The following SPHKAP variants were observed in gnomAD, a reference collection of about 807,000 sequenced individuals.
The protein encoded by SPHKAP is A-kinase anchor protein SPHKAP.
SPHKAP carries 67 observed loss-of-function variants against 137.5 expected under a neutral mutation model. The observed-to-expected ratio is 0.49, with a 90% CI of 0.40 to 0.60. The LOEUF (loss-of-function observed/expected upper bound fraction) is 0.60. Among genes scored for constraint, SPHKAP ranks in the 20% least tolerant of loss-of-function variants. The pLI is 0.00. For missense variants in SPHKAP, 2,097 were observed against 2,069.3 expected (o/e 1.01, Z -0.26); for synonymous variants, 813 against 785.3 (o/e 1.04, Z -0.59).
At chr2:228,046,374 C>A (rs1696059157) in intron 3 of SPHKAP, among the ~76,000 whole-genome samples, 1 of 143,966 alleles carries the variant, frequency 6.9e-6, no homozygotes, top group African/African-American at 2.6e-5. Context: ...AATTTACTCC[C>A]TTGAACTTCA....
intron 1 of SPHKAP, among the ~76,000 whole-genome samples, chr2:228,167,171 T>C (rs1415532696): frequency 2.0e-5 from 3 of 152,216 alleles, no homozygotes; most frequent in Non-Finnish European, 4.4e-5. Flanking sequence ...TCAATTGTGA[T>C]AACAACTTCT....
At chr2:228,159,411 G>A (rs1041596902) in intron 1 of SPHKAP, among the ~76,000 whole-genome samples, 3 of 152,096 alleles carry the variant, frequency 2.0e-5, no homozygotes, top group Non-Finnish European at 4.4e-5. Context: ...ATCTTCATGA[G>A]AGGAGGGGCT....
chr2:228,172,938 A>AAGG (rs139083559), intron 1 of SPHKAP: 75,218 of 662,890 alleles, frequency 0.11, 4,428 homozygotes, highest in East Asian at 0.2. Context: ...GTCTTATATC[A>AAGG]AGAAGAGCAA....
intron 3 of SPHKAP, among the ~76,000 whole-genome samples, chr2:228,050,555 G>A (rs1463318091): frequency 1.3e-5 from 2 of 152,152 alleles, no homozygotes; most frequent in Non-Finnish European, 1.5e-5. Context: ...GGGTACATGT[G>A]ATAATTTGAT....
At chr2:228,072,608 C>T (rs1340548753) in intron 3 of SPHKAP, among the ~76,000 whole-genome samples, 1 of 152,070 alleles carries the variant, frequency 6.6e-6, no homozygotes, top group Non-Finnish European at 1.5e-5. Flanking sequence ...TGTAAATAGC[C>T]CTAATGACTT....
chr2:228,141,627 A>T (rs1699609349), intron 1 of SPHKAP, among the ~76,000 whole-genome samples: 1 of 150,964 alleles, frequency 6.6e-6, no homozygotes, highest in Non-Finnish European at 1.5e-5. Context: ...TTATAAAATG[A>T]AGAATAACAA....
chr2:228,152,693 T>G (rs998929455), intron 1 of SPHKAP, among the ~76,000 whole-genome samples: 1 of 150,748 alleles, frequency 6.6e-6, no homozygotes, highest in Non-Finnish European at 1.5e-5. Context: ...TTATTATTTT[T>G]TGGCCTAGTG....
At chr2:227,997,995 G>C (rs1036194669) in intron 7 of SPHKAP, among the ~76,000 whole-genome samples, 1 of 152,048 alleles carries the variant, frequency 6.6e-6, no homozygotes, top group Non-Finnish European at 1.5e-5. Context: ...TTGCAAGCTG[G>C]TAGTTTTTTG....
Position 228,016,608 on chromosome 2 carries a change from G to A in SPHKAP, c.4246C>T (p.His1416Tyr), listed in dbSNP as rs1227411141. The change falls in exon 7 of 12, where the codon CAC (histidine) becomes TAC (tyrosine). Residue 1416 changes from histidine to tyrosine, a missense_variant. Transcript: ENST00000392056. ...CTCGAGCAAAGTGATCGCCTTTTGT[G>A]GTTTATTGGTACAGGGTCCTGGCAC... ...SSCQDPVPIN[H>Y]KRRSLCSREV... 1 of 1,613,852 alleles carries A rather than the reference G, an allele frequency of 6.2e-7. No individual in the cohort carries two copies. Among genetic ancestry groups the A allele is most frequent in the South Asian group, 1.1e-5 (1 of 91,052 alleles).
intron 3 of SPHKAP, among the ~76,000 whole-genome samples, chr2:228,054,579 T>C (rs1696372414): frequency 6.6e-6 from 1 of 152,130 alleles, no homozygotes. Context: ...AGATTCAGAA[T>C]TCTCCAGGGA....
At chr2:228,056,534 G>A (rs1467164300) in intron 3 of SPHKAP, among the ~76,000 whole-genome samples, 2 of 150,686 alleles carry the variant, frequency 1.3e-5, no homozygotes, top group East Asian at 2.0e-4. Context: ...AGGTTCTTAA[G>A]TGTTTCTTTT....
chr2:228,041,677 A>G (rs10204651), intron 3 of SPHKAP, among the ~76,000 whole-genome samples: 56,061 of 148,668 alleles, frequency 0.38, 11,106 homozygotes, highest in South Asian at 0.5. Context: ...AAAAAAGAAA[A>G]CAGTTCTACA....
chr2:228,021,693 T>A lies in SPHKAP; in HGVS notation c.697+18A>T, dbSNP rs1694844061. ...TACGGGGACTAATTTCAGGAGGCAC[T>A]AATTGGAAAGTTCTCACCGTTCCTA... On this transcript the variant is annotated intron_variant, in intron 6 of 11. Coordinates refer to ENST00000392056, the MANE Select transcript of SPHKAP (RefSeq NM_001142644.2). The A allele has an allele frequency of 6.4e-7, 1 of 1,570,996 alleles. No individual in the cohort carries two copies. Among genetic ancestry groups the A allele is most frequent in the Non-Finnish European group, 8.6e-7 (1 of 1,163,822 alleles).
chr2:228,151,756 C>T (rs1699940194), intron 1 of SPHKAP, among the ~76,000 whole-genome samples: 1 of 152,040 alleles, frequency 6.6e-6, no homozygotes, highest in African/African-American at 2.4e-5. Flanking sequence ...GTCTTATTAT[C>T]ATTTCCTTTC....
chr2:228,135,189 G>A (rs1043496619), intron 1 of SPHKAP, among the ~76,000 whole-genome samples: 13 of 147,938 alleles, frequency 8.8e-5, no homozygotes, highest in African/African-American at 2.8e-4. Flanking sequence ...CAGGAGAATC[G>A]CTTCAACCCA....
chr2:228,068,068 T>A (rs1696883500), intron 3 of SPHKAP, among the ~76,000 whole-genome samples: 1 of 152,144 alleles, frequency 6.6e-6, no homozygotes. Context: ...TCAGTAGCAA[T>A]TCTATATGCC....
At chr2:228,086,615 G>T (rs993249710) in intron 3 of SPHKAP, among the ~76,000 whole-genome samples, 11 of 152,084 alleles carry the variant, frequency 7.2e-5, no homozygotes, top group African/African-American at 2.7e-4. Context: ...ACTCAAATTT[G>T]CTCGAGGGAA....
chr2:228,151,212 C>G (rs966451824), intron 1 of SPHKAP, among the ~76,000 whole-genome samples: 5 of 151,576 alleles, frequency 3.3e-5, no homozygotes, highest in African/African-American at 1.2e-4. Context: ...CGATAGTTTA[C>G]TGAGAATGAT....
chr2:228,147,121 A>T (rs1487640545), intron 1 of SPHKAP, among the ~76,000 whole-genome samples: 2 of 152,220 alleles, frequency 1.3e-5, no homozygotes, highest in Non-Finnish European at 2.9e-5. Context: ...ATTGAACTCC[A>T]CAATATACTT....
Sources: gnomAD v4.1 joint callset for allele counts (sites outside exome capture counted in the v4.1 genomes callset) on GRCh38, gnomAD v4.1.1 for gene constraint, MANE v1.5 for transcripts, NCBI Gene and HGNC (gene_info 2026-07-23, HGNC 2026-07-21) for gene names.